The following SGSM3 variants were observed in gnomAD, a reference collection of about 807,000 sequenced individuals.
SGSM3 encodes the protein RUN and SH3 containing 3.
A neutral mutation model predicts 100.5 loss-of-function variants in SGSM3; 96 were observed. The ratio of observed to expected loss-of-function variants is 0.96; its 90% CI spans 0.81 to 1.13. The LOEUF (loss-of-function observed/expected upper bound fraction) is 1.13, where lower values mean the gene tolerates loss of function less well. Among genes scored for constraint, SGSM3 ranks in the 50% most tolerant of loss-of-function variants. SGSM3 has a pLI of 0.00. For missense variants in SGSM3, 1,001 were observed against 1,015.8 expected (o/e 0.99, Z 0.20); for synonymous variants, 483 against 422.8 (o/e 1.14, Z -1.75).
rs749619564 is a variant in SGSM3 at position 40,406,068 on chromosome 22, G to C, written c.815-10G>C. The C allele has an allele frequency of 1.2e-6, 2 of 1,611,710 alleles. No individual in the cohort carries two copies. The highest frequency in any genetic ancestry group is 3.3e-5 in the Admixed American group (2 of 59,938). On this transcript the variant is annotated splice_polypyrimidine_tract_variant and intron_variant, in intron 8 of 21. Coordinates refer to ENST00000248929, the MANE Select transcript of SGSM3 (RefSeq NM_015705.6). ...CTCCTCCCCAGCGGCTTTGGCTCCT[G>C]TGTTTACAGAGCTGTCCCTGATCAC...
At chr22:40,388,207 A>T (rs925610171) in intron 1 of SGSM3, 2 of 152,168 alleles carry the variant, frequency 1.3e-5, no homozygotes, top group Non-Finnish European at 2.9e-5. Context: ...GATACTATGG[A>T]TGTTCACCTC....
At chr22:40,401,404 C>T (rs528571289) in intron 2 of SGSM3, among the ~76,000 whole-genome samples, 189 bp from the exon 3 acceptor site, 7 of 152,292 alleles carry the variant, frequency 4.6e-5, no homozygotes, top group East Asian at 1.9e-4. Context: ...TGTGCCACCA[C>T]GCCCAGCTAA....
At chr22:40,383,633 G>A (rs1238543257) in intron 1 of SGSM3, among the ~76,000 whole-genome samples, 2 of 152,094 alleles carry the variant, frequency 1.3e-5, no homozygotes, top group Admixed American at 1.3e-4. Context: ...TATAAATAAA[G>A]GCACAGAGGC....
At chr22:40,387,876 C>T (rs934580269) in intron 1 of SGSM3, among the ~76,000 whole-genome samples, 1 of 152,102 alleles carries the variant, frequency 6.6e-6, no homozygotes, top group African/African-American at 2.4e-5. Flanking sequence ...TGAGCAAGTC[C>T]GCGTAGGGCA....
intron 4 of SGSM3, among the ~76,000 whole-genome samples, chr22:40,403,622 A>C (rs1453493100): frequency 2.0e-5 from 3 of 152,182 alleles, no homozygotes; most frequent in Non-Finnish European, 4.4e-5. Context: ...GAGCAAGAGG[A>C]AAATGGCAGG....
Position 40,407,331 on chromosome 22 carries a change from G to A in SGSM3, c.1368+3G>A, listed in dbSNP as rs1431173193. The A allele has an allele frequency of 1.2e-6, 2 of 1,613,466 alleles. No homozygotes were observed. Among genetic ancestry groups the A allele is most frequent in the East Asian group, 2.2e-5 (1 of 44,884 alleles). On this transcript the variant is annotated splice_donor_region_variant and intron_variant, in intron 12 of 21. Transcript: ENST00000248929. The surrounding 1 kb of genome is among the most constrained non-coding windows in gnomAD (Gnocchi z 4.7). ...CAGACCCCAAAAACTGCAGCGTGGT[G>A]AGTCGCCAGCTCCCTGGGCTGCTAC...
Position 40,407,472 on chromosome 22 carries a change from G to C in SGSM3, c.1428G>C (p.Ala476=). 1 of 1,612,144 alleles carries C rather than the reference G, an allele frequency of 6.2e-7. No homozygotes were observed. Among genetic ancestry groups the C allele is most frequent in the Non-Finnish European group, 8.5e-7 (1 of 1,179,968 alleles). ...SHQRDHENYV[A]CSRSHRRRAK... Reference sequence around the variant, plus strand: ...AGCGGGACCACGAGAACTACGTGGCGTGCTCACGCAGCCACCGGCGCCGAG... The same window carrying C: ...AGCGGGACCACGAGAACTACGTGGCCTGCTCACGCAGCCACCGGCGCCGAG... The change falls in exon 13 of 22, where the codon GCG becomes GCC. Residue 476 remains alanine, a synonymous_variant. Transcript: ENST00000248929. This position sits in a 1 kb window ranked among gnomAD's most constrained non-coding sequence, Gnocchi z 4.7.
chr22:40,405,143 C>A lies in SGSM3; in HGVS notation c.477C>A (p.Ile159=), dbSNP rs776764197. The change falls in exon 7 of 22, where the codon ATC becomes ATA. Residue 159 remains isoleucine, a splice_region_variant and synonymous_variant. Transcript: ENST00000248929. ...GGGTGCCGATGGCTGCCTGACAGATCGAGAAGGACCTGCTCCGCACCATGC... is the reference window on the plus strand; with the variant it reads ...GGGTGCCGATGGCTGCCTGACAGATAGAGAAGGACCTGCTCCGCACCATGC... ...SNDETIAAKQ[I]EKDLLRTMPS... The A allele has an allele frequency of 1.3e-6, 2 of 1,510,584 alleles. No individual in the cohort carries two copies. The highest frequency in any genetic ancestry group is 2.6e-5 in the South Asian group (2 of 76,808). The allele number at this position is 1,510,584 out of a possible 1,614,324, so 93.6% of individuals were successfully genotyped here.
At chr22:40,409,175 C>T in intron 19 of SGSM3, 75 bp from the exon 20 acceptor site, 1 of 1,556,372 alleles carries the variant, frequency 6.4e-7, no homozygotes, top group Non-Finnish European at 8.7e-7. Context: ...AGAGACAGGT[C>T]AGAGGCTTCC....
intron 4 of SGSM3, among the ~76,000 whole-genome samples, chr22:40,403,562 A>G (rs2051031075): frequency 6.6e-6 from 1 of 152,220 alleles, no homozygotes; most frequent in African/African-American, 2.4e-5. Context: ...TAAATCATAT[A>G]TAAAAAGGTC....
chr22:40,409,441 T>C, intron 20 of SGSM3, 24 bp from the exon 21 acceptor site: 1 of 1,566,350 alleles, frequency 6.4e-7, no homozygotes. Flanking sequence ...GACAAGAGCC[T>C]TACCACCCCT....
Position 40,410,155 on chromosome 22 carries a change from G to A in SGSM3, c.*396G>A. On this transcript the variant is annotated 3_prime_UTR_variant, in exon 22 of 22. Coordinates refer to ENST00000248929, the MANE Select transcript of SGSM3 (RefSeq NM_015705.6). The stretch of plus-strand genomic sequence containing the variant: ...AGCTAGGGCTGCAGAGCTGTATTCA[G>A]GTCCAAGGTTCTGCCCTTCCTTGAG... The A allele has an allele frequency of 9.1e-7, 1 of 1,101,158 alleles. No individual in the cohort carries two copies. Among genetic ancestry groups the A allele is most frequent in the Non-Finnish European group, 1.1e-6 (1 of 904,602 alleles). 68.2% of individuals were successfully genotyped at this position (1,101,158 alleles called of 1,614,324 possible).
At chr22:40,401,351 T>A (rs2050736007) in intron 2 of SGSM3, among the ~76,000 whole-genome samples, 2 of 152,180 alleles carry the variant, frequency 1.3e-5, no homozygotes, top group Admixed American at 1.3e-4. Flanking sequence ...CTTCTTGGGT[T>A]CAAGCTATTC....
At chr22:40,392,379 G>A (rs1402029979) in intron 1 of SGSM3, among the ~76,000 whole-genome samples, 1 of 151,870 alleles carries the variant, frequency 6.6e-6, no homozygotes, top group Admixed American at 6.6e-5. Flanking sequence ...GCAGAGCTGT[G>A]TTAGGAAATT....
chr22:40,405,576 C>A, intron 7 of SGSM3, 73 bp from the exon 8 acceptor site: 1 of 1,427,070 alleles, frequency 7.0e-7, no homozygotes, highest in Non-Finnish European at 9.6e-7. Context: ...ATTGGTCTCC[C>A]TAGGGTAGGG....
At chr22:40,395,749 T>C (rs562235842) in intron 1 of SGSM3, among the ~76,000 whole-genome samples, 16 of 152,250 alleles carry the variant, frequency 1.1e-4, no homozygotes, top group Non-Finnish European at 2.2e-4. Flanking sequence ...AGGCCTTGCC[T>C]GTGGCCACTC....
At chr22:40,383,283 C>T (rs762888626) in intron 1 of SGSM3, among the ~76,000 whole-genome samples, 3 of 151,812 alleles carry the variant, frequency 2.0e-5, no homozygotes, top group Non-Finnish European at 2.9e-5. Context: ...CTGGCCAACA[C>T]GGTGAAACCC....
intron 6 of SGSM3, 89 bp downstream of exon 6, chr22:40,404,753 C>A: frequency 2.2e-6 from 2 of 925,234 alleles, no homozygotes; most frequent in Non-Finnish European, 1.7e-6. Context: ...TAGAGTGTGC[C>A]CTTGTTGTGG....
At position 40,404,299 on chromosome 22, in the gene SGSM3, T is replaced by A; in HGVS notation, c.210T>A (p.Asp70Glu). 6.4e-7 allele frequency: 1 copy of A among 1,553,724 alleles called. No homozygotes were observed. Among genetic ancestry groups the A allele is most frequent in the South Asian group, 1.2e-5 (1 of 80,872 alleles). Reference sequence around the variant, plus strand: ...TGGCGAACTCCCCTCTGATGGAGGATGCTCCACAGAGGCTGCGGTGGCAGG... The same window carrying A: ...TGGCGAACTCCCCTCTGATGGAGGAAGCTCCACAGAGGCTGCGGTGGCAGG... ...SLLANSPLME[D>E]APQRLRWQAH... The change falls in exon 5 of 22, where the codon GAT becomes GAA. Residue 70 changes from aspartate to glutamate, a missense_variant. Coordinates refer to ENST00000248929, the MANE Select transcript of SGSM3 (RefSeq NM_015705.6).
Sources: gnomAD v4.1 joint callset for allele counts (sites outside exome capture counted in the v4.1 genomes callset) on GRCh38, gnomAD v4.1.1 for gene constraint, Gnocchi (gnomAD v3.1) non-coding constraint, MANE v1.5 for transcripts, NCBI Gene and HGNC (gene_info 2026-07-23, HGNC 2026-07-21) for gene names.